The following SLC48A1 variants were observed in gnomAD, a reference collection of about 807,000 sequenced individuals.
SLC48A1 encodes solute carrier family 48 member 1.
SLC48A1 carries 6 observed loss-of-function variants against 14.8 expected under a neutral mutation model. The ratio of observed to expected loss-of-function variants is 0.41; its 90% CI spans 0.22 to 0.80. The LOEUF is 0.80. Among genes scored for constraint, SLC48A1 ranks in the 30% least tolerant of loss-of-function variants. The pLI is 0.34. For missense variants in SLC48A1, 165 were observed against 204.8 expected (o/e 0.81, Z 1.19); for synonymous variants, 89 against 90.0 (o/e 0.99, Z 0.06).
upstream of SLC48A1, among the ~76,000 whole-genome samples, chr12:47,767,094 G>T (rs78285377): frequency 0.13 from 19,691 of 152,008 alleles, 1,592 homozygotes; most frequent in Non-Finnish European, 0.18. Flanking sequence ...GGCCTGGGTG[G>T]GGTAGAATGG....
chr12:47,781,125 G>T lies in SLC48A1; in HGVS notation c.*844G>T. The T allele has an allele frequency of 3.0e-6, 1 of 333,098 alleles. No homozygotes were observed. The highest frequency in any genetic ancestry group is 5.9e-6 in the Non-Finnish European group (1 of 169,812). 20.6% of individuals were successfully genotyped at this position (333,098 alleles called of 1,614,324 possible). A position where few individuals can be genotyped will look rare whatever the true frequency, so the allele number is the denominator to read the frequency against. On this transcript the variant is annotated 3_prime_UTR_variant, in exon 3 of 3. Coordinates refer to ENST00000442218, the MANE Select transcript of SLC48A1 (RefSeq NM_017842.3). ...TGTTCCCAGAGCTGGTCTCCCATGA[G>T]TGTGCTAGAGCCAGATAGCCGTGGC...
rs1328788933 is a variant in SLC48A1 at position 47,773,353 on chromosome 12, A to T, written c.49A>T (p.Ile17Phe). 6.8e-7 allele frequency: 1 copy of T among 1,475,390 alleles called. No individual in the cohort carries two copies. The highest frequency in any genetic ancestry group is 9.0e-7 in the Non-Finnish European group (1 of 1,112,270). 91.4% of individuals were successfully genotyped at this position (1,475,390 alleles called of 1,614,324 possible). A position where few individuals can be genotyped will look rare whatever the true frequency, so the allele number is the denominator to read the frequency against. Residue 17 changes from isoleucine to phenylalanine, a missense_variant, in exon 1 of 3, where the codon ATC (isoleucine) becomes TTC (phenylalanine). Coordinates refer to ENST00000442218, the MANE Select transcript of SLC48A1 (RefSeq NM_017842.3). ...CGGCCTCCGCGCCGCCTACTCCGGCATCAGCTCCGTGGCCGGCTTCTCCAT... is the reference window on the plus strand; with the variant it reads ...CGGCCTCCGCGCCGCCTACTCCGGCTTCAGCTCCGTGGCCGGCTTCTCCAT... Reference protein sequence around the residue: ...QLGLRAAYSGISSVAGFSIFL... With the variant: ...QLGLRAAYSGFSSVAGFSIFL...
intron 1 of SLC48A1, chr12:47,758,991 A>ATGCGTAGGGGAAGGGGGCCGGCAC: frequency 1.0e-6 from 1 of 994,416 alleles, no homozygotes; most frequent in Non-Finnish European, 1.2e-6. Context: ...CGGTAGAGGA[A>ATGCGTAGGGGAAGGGGGCCGGCAC]TGCGTAGGGG....
At chr12:47,761,761 T>G (rs1942385699) in intron 2 of SLC48A1, among the ~76,000 whole-genome samples, 1 of 152,202 alleles carries the variant, frequency 6.6e-6, no homozygotes, top group African/African-American at 2.4e-5. Context: ...AGATAAATAA[T>G]AATAAGAATA....
intron 1 of SLC48A1, chr12:47,759,257 T>C (rs1457702595): frequency 2.4e-5 from 8 of 327,688 alleles, no homozygotes; most frequent in Non-Finnish European, 3.5e-5. Context: ...GGGAGGGAAA[T>C]CCGGGCTGGG....
intron 1 of SLC48A1, among the ~76,000 whole-genome samples, chr12:47,778,143 C>T (rs1223759282): frequency 2.0e-5 from 3 of 152,238 alleles, no homozygotes. Context: ...TTGGGCTGCA[C>T]CAGCAGGCAC....
At chr12:47,766,290 G>C (rs1016514933) in intron 2 of SLC48A1, among the ~76,000 whole-genome samples, 1 of 151,958 alleles carries the variant, frequency 6.6e-6, no homozygotes, top group East Asian at 1.9e-4. Context: ...TTCCCTTGGG[G>C]AAGAGCTAAT....
intron 2 of SLC48A1, among the ~76,000 whole-genome samples, chr12:47,765,458 G>A (rs1592598151): frequency 6.6e-6 from 1 of 152,204 alleles, no homozygotes; most frequent in East Asian, 1.9e-4. Flanking sequence ...AGCCTGGTCC[G>A]TGAGCTCTGC....
At chr12:47,757,239 C>T (rs1942127856), upstream of SLC48A1, among the ~76,000 whole-genome samples, 1 of 152,112 alleles carries the variant, frequency 6.6e-6, no homozygotes. Context: ...ATCTTGCCTC[C>T]CAAATCCCAC....
exon 1 of SLC48A1, chr12:47,758,605 G>T: frequency 1.2e-6 from 2 of 1,611,918 alleles, no homozygotes; most frequent in African/African-American, 2.7e-5. Flanking sequence ...AAAAGGCTGG[G>T]GGGTCCCCAG....
exon 2 of SLC48A1, chr12:47,760,386 AAGTTGGG>A: frequency 1.0e-6 from 1 of 985,474 alleles, no homozygotes; most frequent in Non-Finnish European, 1.2e-6. Flanking sequence ...AAAGGATGAC[AAGTTGGG>A]AGTCACAGGT....
Position 47,773,316 on chromosome 12 carries a change from C to T in SLC48A1, c.12C>T (p.Ser4=), listed in dbSNP as rs1942668237. 6.1e-6 allele frequency: 9 copies of T among 1,465,644 alleles called. No individual in the cohort carries two copies. Among genetic ancestry groups the T allele is most frequent in the Non-Finnish European group, 8.1e-6 (9 of 1,107,814 alleles). 90.8% of individuals were successfully genotyped at this position (1,465,644 alleles called of 1,614,324 possible). The change falls in exon 1 of 3, where the codon TCC becomes TCT. Residue 4 remains serine, a synonymous_variant. Transcript: ENST00000442218. MAP[S]RLQLGLRAAY... is the part of the protein sequence containing the mutation. ...GGCGCCGCAGCCCCATGGCCCCGTC[C>T]AGGCTGCAGCTCGGCCTCCGCGCCG...
chr12:47,775,180 T>C (rs564690365), intron 1 of SLC48A1, among the ~76,000 whole-genome samples: 2 of 152,302 alleles, frequency 1.3e-5, no homozygotes, highest in East Asian at 3.9e-4. Context: ...AATCTTGCAG[T>C]GCTGCCCACT....
chr12:47,780,128 T>A lies in SLC48A1; in HGVS notation c.305-17T>A. On this transcript the variant is annotated splice_polypyrimidine_tract_variant and intron_variant, in intron 2 of 2. Transcript: ENST00000442218. The stretch of plus-strand genomic sequence containing the variant: ...CAGGGCCTGCCAAAGTCACTGTCGG[T>A]ACTTCTCTCCCTGCAGGCCTCACAG... The A allele has an allele frequency of 6.4e-7, 1 of 1,551,792 alleles. No individual in the cohort carries two copies.
chr12:47,761,196 CAAA>C (rs35422100), intron 2 of SLC48A1, among the ~76,000 whole-genome samples: 3 of 102,032 alleles, frequency 2.9e-5, no homozygotes, highest in Non-Finnish European at 4.2e-5. Flanking sequence ...AACTCCATCT[CAAA>C]AAAAAAAAAA....
At chr12:47,758,287 T>A, upstream of SLC48A1, 1 of 1,430,654 alleles carries the variant, frequency 7.0e-7, no homozygotes. Flanking sequence ...TCCAGCTGGC[T>A]CTTGGAAAAG....
intron 2 of SLC48A1, among the ~76,000 whole-genome samples, chr12:47,779,785 T>C (rs1942827681): frequency 6.6e-6 from 1 of 152,190 alleles, no homozygotes; most frequent in Non-Finnish European, 1.5e-5. Flanking sequence ...CCGCCTGAGC[T>C]CTGCCTCCTG....
upstream of SLC48A1, among the ~76,000 whole-genome samples, chr12:47,772,557 T>G (rs544385070): frequency 3.3e-5 from 5 of 152,202 alleles, no homozygotes; most frequent in South Asian, 6.2e-4. Flanking sequence ...CACACACCTG[T>G]AGTCCTGGCT....
chr12:47,773,057 G>A, upstream of SLC48A1: 1 of 414,416 alleles, frequency 2.4e-6, no homozygotes, highest in Non-Finnish European at 3.2e-6. Flanking sequence ...CCAGGAATCC[G>A]CCTTTTTAGC....
Sources: allele counts gnomAD v4.1 joint callset (sites outside exome capture counted in the v4.1 genomes callset), GRCh38; gene constraint gnomAD v4.1.1; transcripts MANE v1.5; gene names NCBI Gene and HGNC (gene_info 2026-07-23, HGNC 2026-07-21).